Variants in SH2B2 observed in about 807,000 individuals in gnomAD.
SH2B2 encodes SH2B adaptor protein 2.
A neutral mutation model predicts 35.7 loss-of-function variants in SH2B2; 37 were observed. The ratio of observed to expected loss-of-function variants is 1.04; its 90% confidence interval spans 0.80 to 1.36. The LOEUF (loss-of-function observed/expected upper bound fraction) is 1.36, where lower values mean the gene tolerates loss of function less well. SH2B2 is among the 40% of genes most tolerant of loss of function. The pLI is 0.00. For missense variants in SH2B2, 852 were observed against 817.7 expected (o/e 1.04, Z -0.51); for synonymous variants, 383 against 376.4 (o/e 1.02, Z -0.20).
chr7:102,308,499 C>T (rs1793488263), intron 3 of SH2B2, among the ~76,000 whole-genome samples: 1 of 152,212 alleles, frequency 6.6e-6, no homozygotes, highest in African/African-American at 2.4e-5. Flanking sequence ...GATGCTGGGC[C>T]ACCCATCCCT....
At chr7:102,289,323 G>A (rs533886325) in intron 1 of SH2B2, among the ~76,000 whole-genome samples, 47 of 152,246 alleles carry the variant, frequency 3.1e-4, no homozygotes, top group African/African-American at 1.0e-3. Context: ...GCCATGTGGT[G>A]TGGTGGAGGG....
intron 4 of SH2B2, 101 bp downstream of exon 4, chr7:102,309,007 G>C: frequency 2.2e-6 from 2 of 913,224 alleles, no homozygotes; most frequent in Admixed American, 1.7e-5. Flanking sequence ...AGCTCAGCTT[G>C]AGAAATGAGC....
chr7:102,311,550 T>G (rs1215219719), intron 4 of SH2B2, among the ~76,000 whole-genome samples: 1 of 136,606 alleles, frequency 7.3e-6, no homozygotes, highest in African/African-American at 2.8e-5. Context: ...CCACTGCAAC[T>G]GGCCTTTTTT....
chr7:102,314,417 C>A lies in SH2B2; in HGVS notation c.1005C>A (p.Leu335=), dbSNP rs1180783053. 2.5e-6 allele frequency: 1 copy of A among 398,706 alleles called. No homozygotes were observed. 24.7% of individuals were successfully genotyped at this position (398,706 alleles called of 1,614,324 possible). The change falls in exon 5 of 9, where the codon CTC becomes CTA. Residue 335 remains leucine, a synonymous_variant. Transcript: ENST00000444095. ...GCGTGGCCTCCTGCAGCTGTGAGCT[C>A]CTGACTGATGGTAGGTAGGGGGACA... is the stretch of plus-strand genomic sequence containing the variant. ...ASRVASCSCE[L]LTDAVDLPRP...
In SH2B2 at chr7:102,300,718, C is replaced by T. The variant is rs960700479; in HGVS notation, c.168C>T (p.Asp56=). Residue 56 remains aspartate (D), a synonymous_variant, in exon 2 of 9, where the codon GAC becomes GAT. Coordinates refer to ENST00000444095, the MANE Select transcript of SH2B2 (RefSeq NM_001359228.2). Reference sequence around the variant, plus strand: ...ACAACCCAGCTTACGACACGCCCGACGCCGGCGCCTCCTTCTCCCGCCACT... The same window carrying T: ...ACAACCCAGCTTACGACACGCCCGATGCCGGCGCCTCCTTCTCCCGCCACT... The part of the protein sequence containing the change: ...LRDNPAYDTP[D]AGASFSRHFA... 2 of 1,532,556 alleles carry T rather than the reference C, an allele frequency of 1.3e-6. No homozygotes were observed. Among genetic ancestry groups the T allele is most frequent in the Non-Finnish European group, 1.8e-6 (2 of 1,135,912 alleles). The allele number at this position is 1,532,556 out of a possible 1,614,324, so 94.9% of individuals were successfully genotyped here. A position where few individuals can be genotyped will look rare whatever the true frequency, so the allele number is the denominator to read the frequency against.
intron 7 of SH2B2, among the ~76,000 whole-genome samples, 165 bp downstream of exon 7, chr7:102,317,560 C>T (rs985069269): frequency 6.6e-6 from 1 of 152,158 alleles, no homozygotes; most frequent in Non-Finnish European, 1.5e-5. Flanking sequence ...CGTGAGCCAC[C>T]TGCGTCCCTC....
chr7:102,321,171 T>A (rs1794056122), intron 8 of SH2B2, 128 bp from the exon 9 acceptor site: 1 of 789,350 alleles, frequency 1.3e-6, no homozygotes, highest in East Asian at 3.9e-5. Context: ...CTTGCATATG[T>A]GTCCGAGGAC....
intron 1 of SH2B2, chr7:102,293,027 G>A (rs1202940770): frequency 1.3e-5 from 2 of 153,420 alleles, no homozygotes; most frequent in Non-Finnish European, 2.9e-5. Flanking sequence ...GCCAGCTGGA[G>A]GTGGGCGGGG....
At chr7:102,316,544 G>A (rs751580722) in intron 6 of SH2B2, among the ~76,000 whole-genome samples, 2 of 150,998 alleles carry the variant, frequency 1.3e-5, no homozygotes. Context: ...TCGAGATCAC[G>A]CCACTGCATT....
intron 1 of SH2B2, among the ~76,000 whole-genome samples, chr7:102,288,464 T>C (rs2132886032): frequency 6.6e-6 from 1 of 152,240 alleles, no homozygotes; most frequent in South Asian, 2.1e-4. Context: ...CGGCTTCTGA[T>C]GCTGCTTGGT....
upstream of SH2B2, chr7:102,285,334 C>A: frequency 9.4e-7 from 1 of 1,063,388 alleles, no homozygotes; most frequent in Admixed American, 2.0e-5. Flanking sequence ...ATGGAGCTTC[C>A]CTTTCTCCCA....
In SH2B2 at chr7:102,321,400, C is replaced by A. The variant is rs2133058554; in HGVS notation, c.1669C>A (p.Pro557Thr). ...FSSLAAAACP[P>T]ASPSDAAGAS... Reference sequence around the variant, plus strand: ...CAGCCTCGCCGCGGCCGCCTGCCCGCCTGCCTCGCCCTCCGACGCCGCCGG... The same window carrying A: ...CAGCCTCGCCGCGGCCGCCTGCCCGACTGCCTCGCCCTCCGACGCCGCCGG... Residue 557 changes from proline (P) to threonine (T), a missense_variant, in exon 9 of 9, where the codon CCT (proline) becomes ACT (threonine). Coordinates refer to ENST00000444095, the MANE Select transcript of SH2B2 (RefSeq NM_001359228.2). The A allele has an allele frequency of 7.3e-7, 1 of 1,367,216 alleles. No homozygotes were observed. 84.7% of individuals were successfully genotyped at this position (1,367,216 alleles called of 1,614,324 possible). A position where few individuals can be genotyped will look rare whatever the true frequency, so the allele number is the denominator to read the frequency against.
upstream of SH2B2, chr7:102,285,305 G>A (rs1554550688): frequency 3.7e-6 from 5 of 1,360,078 alleles, no homozygotes; most frequent in Non-Finnish European, 2.1e-6. Flanking sequence ...GGAGGGTGGA[G>A]ACCACAACCA....
At chr7:102,307,663 C>A (rs1442792510) in intron 3 of SH2B2, among the ~76,000 whole-genome samples, 4 of 152,082 alleles carry the variant, frequency 2.6e-5, no homozygotes, top group African/African-American at 4.8e-5. Context: ...GGCAGAGGGG[C>A]TCACCTGCCT....
intron 1 of SH2B2, among the ~76,000 whole-genome samples, chr7:102,299,371 G>A (rs2132945326): frequency 6.7e-6 from 1 of 150,206 alleles, no homozygotes; most frequent in East Asian, 2.0e-4. Flanking sequence ...GCTAATTTTT[G>A]TATTTTTAGT....
At chr7:102,286,227 G>A (rs376454951), upstream of SH2B2, among the ~76,000 whole-genome samples, 148 of 152,332 alleles carry the variant, frequency 9.7e-4, no homozygotes, top group Non-Finnish European at 1.6e-3. Context: ...CAGGGGGGCC[G>A]TCCCGCCCTG....
intron 1 of SH2B2, among the ~76,000 whole-genome samples, chr7:102,290,886 A>G (rs1792649666): frequency 6.6e-6 from 1 of 152,214 alleles, no homozygotes; most frequent in South Asian, 2.1e-4. Flanking sequence ...AAAGGGAATG[A>G]ATAGAGCTGT....
rs118095512 is a variant in SH2B2, at chr7:102,300,541, G to A, written c.-10G>A. On this transcript the variant is annotated 5_prime_UTR_variant, in exon 2 of 9. Coordinates refer to ENST00000444095, the MANE Select transcript of SH2B2 (RefSeq NM_001359228.2). Reference sequence around the variant, plus strand: ...CCGAAGCCGCAGGTGGCTGCGATGGGACGGAAGCCATGAATGGTGCCGGCC... The same window carrying A: ...CCGAAGCCGCAGGTGGCTGCGATGGAACGGAAGCCATGAATGGTGCCGGCC... The A allele has an allele frequency of 4.5e-3, 6,966 of 1,541,990 alleles. 214 individuals carry two copies. The East Asian group carries it at 0.096, about 21-fold the overall frequency.
chr7:102,317,727 T>C (rs112851820), intron 7 of SH2B2, among the ~76,000 whole-genome samples: 10 of 151,814 alleles, frequency 6.6e-5, no homozygotes, highest in African/African-American at 2.4e-4. Flanking sequence ...GGGGATCTCA[T>C]AGCACTGGAG....
Sources: gnomAD v4.1 joint callset for allele counts (sites outside exome capture counted in the v4.1 genomes callset) on GRCh38, gnomAD v4.1.1 for gene constraint, MANE v1.5 for transcripts, NCBI Gene and HGNC (gene_info 2026-07-23, HGNC 2026-07-21) for gene names.